The following PKHD1 variants were observed in gnomAD, a reference collection of about 807,000 sequenced individuals.
The protein encoded by PKHD1 is fibrocystin.
PKHD1 carries 291 observed loss-of-function variants against 412.0 expected under a neutral mutation model. That is an observed-to-expected ratio of 0.71 (90% CI 0.64 to 0.78). The LOEUF (loss-of-function observed/expected upper bound fraction) is 0.78. Ranked by LOEUF, PKHD1 falls within the 30% of genes least tolerant of loss-of-function variation. The probability of loss-of-function intolerance (pLI) is 0.00; values close to 1 mark genes in which losing one functional copy is unlikely to be tolerated. For missense variants in PKHD1, 4,825 were observed against 4,950.7 expected (o/e 0.97, Z 0.76); for synonymous variants, 1,777 against 1,821.5 (o/e 0.98, Z 0.62).
intron 60 of PKHD1, among the ~76,000 whole-genome samples, chr6:51,705,384 G>A (rs555611101): frequency 6.6e-6 from 1 of 152,238 alleles, no homozygotes; most frequent in African/African-American, 2.4e-5. Flanking sequence ...TGGCAGTGAG[G>A]AGAGGGTGAG....
chr6:52,053,996 A>G (rs1207170862), intron 20 of PKHD1, 42 bp downstream of exon 20: 2 of 1,611,538 alleles, frequency 1.2e-6, no homozygotes, highest in Non-Finnish European at 1.7e-6. Context: ...GAATCCTCCC[A>G]GCTGACTGAA....
At chr6:51,812,134 T>C (rs1176143709) in intron 52 of PKHD1, among the ~76,000 whole-genome samples, 1 of 152,190 alleles carries the variant, frequency 6.6e-6, no homozygotes, top group East Asian at 1.9e-4. Flanking sequence ...CCTTTGTAGC[T>C]GTGGGACCCA....
Position 51,659,203 on chromosome 6 carries a change from C to T in PKHD1, c.10923G>A (p.Met3641Ile). Residue 3641 changes from methionine (M) to isoleucine (I), a missense_variant, in exon 61 of 67, where the codon ATG becomes ATA. Coordinates refer to ENST00000371117, the MANE Select transcript of PKHD1 (RefSeq NM_138694.4). ...YRRVGQRRPL[M>I]MEMNSHRASP... Reference sequence around the variant, plus strand: ...AAGCCCTATGTGAGTTCATTTCCATCATGAGAGGCCTACGTTGACCAACTC... The same window carrying T: ...AAGCCCTATGTGAGTTCATTTCCATTATGAGAGGCCTACGTTGACCAACTC... 1 of 1,613,826 alleles carries T rather than the reference C, an allele frequency of 6.2e-7. No homozygotes were observed. The highest frequency in any genetic ancestry group is 8.5e-7 in the Non-Finnish European group (1 of 1,179,876).
intron 43 of PKHD1, among the ~76,000 whole-genome samples, chr6:51,892,336 G>T (rs1044030267): frequency 6.6e-6 from 1 of 152,214 alleles, no homozygotes; most frequent in Non-Finnish European, 1.5e-5. Flanking sequence ...AATGGTCTTA[G>T]GGTGGCCTAG....
At position 51,854,428 on chromosome 6, in the gene PKHD1, G is replaced by A. The variant is rs113752724; in HGVS notation, c.7911+1465C>T. Among the ~76,000 whole-genome samples the A allele has an allele frequency of 2.6e-3, 389 of 152,216 alleles. 2 individuals carry two copies. The highest frequency in any genetic ancestry group is 9.0e-3 in the African/African-American group (373 of 41,548). ...TTTGGTGGCATGAGGAGCAGGACCC[G>A]TTCAACAAAGCACTTTGTCCCTTGG... On this transcript the variant is annotated intron_variant, in intron 49 of 66. Coordinates refer to ENST00000371117, the MANE Select transcript of PKHD1 (RefSeq NM_138694.4).
intron 35 of PKHD1, among the ~76,000 whole-genome samples, chr6:51,963,302 A>G (rs1256183399): frequency 6.6e-6 from 1 of 152,104 alleles, no homozygotes; most frequent in Non-Finnish European, 1.5e-5. Context: ...TCTCTAGTCA[A>G]TGTGGCCAAT....
intron 63 of PKHD1, among the ~76,000 whole-genome samples, chr6:51,639,911 G>A (rs1769120918): frequency 6.6e-6 from 1 of 152,118 alleles, no homozygotes; most frequent in Non-Finnish European, 1.5e-5. Flanking sequence ...TAATCTTTTT[G>A]TGAAAACACT....
intron 66 of PKHD1, among the ~76,000 whole-genome samples, chr6:51,626,533 C>T (rs1268612037): frequency 6.6e-6 from 1 of 152,146 alleles, no homozygotes; most frequent in Non-Finnish European, 1.5e-5. Context: ...CTACATTTTG[C>T]TAAAAGTACA....
intron 53 of PKHD1, among the ~76,000 whole-genome samples, chr6:51,777,679 G>GAAAAAAAAA: frequency 8.4e-6 from 1 of 118,798 alleles, no homozygotes; most frequent in Non-Finnish European, 1.7e-5. Context: ...GAGTCTTTGG[G>GAAAAAAAAA]AAAAAAAAAA....
At chr6:51,908,984 A>C (rs2127650053) in intron 40 of PKHD1, among the ~76,000 whole-genome samples, 1 of 152,260 alleles carries the variant, frequency 6.6e-6, no homozygotes, top group African/African-American at 2.4e-5. Flanking sequence ...TAGTTCTCAA[A>C]CTGGACTCCT....
chr6:51,899,071 G>A (rs1467702362), intron 43 of PKHD1, among the ~76,000 whole-genome samples: 8 of 152,126 alleles, frequency 5.3e-5, no homozygotes, highest in African/African-American at 1.9e-4. Flanking sequence ...ATTCACAGCC[G>A]AATTCTACCA....
chr6:52,065,162 T>TAG (rs1436993640), intron 12 of PKHD1, 112 bp from the exon 13 acceptor site: 683 of 66,036 alleles, frequency 0.01, 15 homozygotes, highest in Admixed American at 0.05. Context: ...TATATATATA[T>TAG]ATATATAGAG....
intron 57 of PKHD1, 38 bp from the exon 58 acceptor site, chr6:51,748,703 C>T: frequency 3.1e-6 from 5 of 1,597,164 alleles, no homozygotes; most frequent in Non-Finnish European, 4.3e-6. Context: ...CTTTCCTCTT[C>T]CCCACAAAAG....
At chr6:51,782,342 A>G (rs545630868) in intron 53 of PKHD1, among the ~76,000 whole-genome samples, 72 of 152,286 alleles carry the variant, frequency 4.7e-4, no homozygotes, top group Middle Eastern at 3.4e-3. Context: ...ATCAGAAAAT[A>G]AACAGATCTT....
At chr6:52,059,259 CTTTTTTTTTTT>C (rs55992586) in intron 15 of PKHD1, among the ~76,000 whole-genome samples, 1 of 83,520 alleles carries the variant, frequency 1.2e-5, no homozygotes, top group African/African-American at 5.2e-5. Context: ...TTTTCTTTTT[CTTTTTTTTTTT>C]TTTTTTTTTT....
At position 52,076,345 on chromosome 6, in the gene PKHD1, A is replaced by G. The variant is rs369020695; in HGVS notation, c.391-12T>C. 3 of 1,603,816 alleles carry G rather than the reference A, an allele frequency of 1.9e-6. No individual in the cohort carries two copies. Among genetic ancestry groups the G allele is most frequent in the Non-Finnish European group, 2.6e-6 (3 of 1,170,672 alleles). On this transcript the variant is annotated splice_polypyrimidine_tract_variant and intron_variant, in intron 5 of 66. Coordinates refer to ENST00000371117, the MANE Select transcript of PKHD1 (RefSeq NM_138694.4). ...TGCGCCTTGGAAAACTGTTTAGAAA[A>G]TAGTACCACAAGTGAGCATGTCATT... is the stretch of plus-strand genomic sequence containing the variant.
intron 35 of PKHD1, among the ~76,000 whole-genome samples, chr6:51,976,746 G>A (rs1186662827): frequency 6.6e-6 from 1 of 151,924 alleles, no homozygotes; most frequent in Non-Finnish European, 1.5e-5. Flanking sequence ...CCAAGGGATC[G>A]AGACCATCCT....
At position 52,070,397 on chromosome 6, in the gene PKHD1, GTTAC is replaced by G; in HGVS notation, c.707+5_707+8del. 6.3e-7 allele frequency: 1 copy of G among 1,583,246 alleles called. No homozygotes were observed. Among genetic ancestry groups the G allele is most frequent in the Non-Finnish European group, 8.7e-7 (1 of 1,152,128 alleles). ...ACAAATTTGCCTATTTCTATACCCA[GTTAC>G]TTACTTTCCTTTGTTAAATACTGAG... On this transcript the variant is annotated splice_donor_5th_base_variant and intron_variant, in intron 10 of 66. Transcript: ENST00000371117.
At position 51,976,479 on chromosome 6, in the gene PKHD1, G is replaced by A. The variant is rs530512519; in HGVS notation, c.5752-16453C>T. On this transcript the variant is annotated intron_variant, in intron 35 of 66. Transcript: ENST00000371117. Reference sequence around the variant, plus strand: ...ACAGAAATTAGAGTGGTAGTTGCCAGGTGCTGGGGGAAGGAGGACTAGGGA... The same window carrying A: ...ACAGAAATTAGAGTGGTAGTTGCCAAGTGCTGGGGGAAGGAGGACTAGGGA... Among the ~76,000 whole-genome samples the A allele has an allele frequency of 3.9e-5, 6 of 152,318 alleles. No homozygotes were observed. The South Asian group carries it at 1.2e-3, about 32-fold the overall frequency.
Sources: allele counts gnomAD v4.1 joint callset (sites outside exome capture counted in the v4.1 genomes callset), GRCh38; gene constraint gnomAD v4.1.1; transcripts MANE v1.5; gene names NCBI Gene and HGNC (gene_info 2026-07-23, HGNC 2026-07-21).